ITSN2: variants seen among roughly 807,000 people sequenced by gnomAD.
ITSN2 encodes the protein intersectin-2.
Under a neutral mutation model 243.7 loss-of-function variants are expected in ITSN2, and 156 were observed. That is an observed-to-expected ratio of 0.64 (90% CI 0.56 to 0.73). The LOEUF (loss-of-function observed/expected upper bound fraction) is 0.73. Among genes scored for constraint, ITSN2 ranks in the 30% least tolerant of loss-of-function variants. The pLI is 0.00. For missense variants in ITSN2, 1,801 were observed against 1,996.1 expected (o/e 0.90, Z 1.86); for synonymous variants, 703 against 699.9 (o/e 1.00, Z -0.07).
At position 24,202,967 on chromosome 2, in the gene ITSN2, A is replaced by G. The variant is rs1183881648; in HGVS notation, c.*659T>C. On this transcript the variant is annotated 3_prime_UTR_variant, in exon 40 of 40. Transcript: ENST00000355123. ...AAATATGCAAAAACAATGAATTTAC[A>G]TAAATAATTTATACTTCAGAAAATT... 3 of 152,810 alleles carry G rather than the reference A, an allele frequency of 2.0e-5. No homozygotes were observed. Among genetic ancestry groups the G allele is most frequent in the South Asian group, 2.1e-4 (1 of 4,826 alleles). The allele number at this position is 152,810 out of a possible 1,614,324, so 9.5% of individuals were successfully genotyped here.
intron 1 of ITSN2, among the ~76,000 whole-genome samples, chr2:24,340,495 G>A (rs1686933414): frequency 6.6e-6 from 1 of 151,080 alleles, no homozygotes; most frequent in Non-Finnish European, 1.5e-5. Flanking sequence ...AAAAAAAAAA[G>A]TTGAATGTAC....
intron 23 of ITSN2, among the ~76,000 whole-genome samples, chr2:24,255,552 C>T (rs1316066327): frequency 2.0e-5 from 3 of 152,164 alleles, no homozygotes; most frequent in Non-Finnish European, 4.4e-5. Flanking sequence ...CGCTTGAACA[C>T]AGGAGGTAGA....
At chr2:24,287,915 T>C (rs1679722940) in intron 15 of ITSN2, among the ~76,000 whole-genome samples, 1 of 152,144 alleles carries the variant, frequency 6.6e-6, no homozygotes. Flanking sequence ...GAGTTATATA[T>C]ATTCCTTGTA....
intron 1 of ITSN2, among the ~76,000 whole-genome samples, chr2:24,333,184 C>G (rs923959956): frequency 3.9e-5 from 6 of 152,206 alleles, no homozygotes; most frequent in African/African-American, 1.2e-4. Context: ...TGGGCTTTAT[C>G]TGCCTCTTCC....
chr2:24,345,374 C>A (rs7582769), intron 1 of ITSN2, among the ~76,000 whole-genome samples: 2 of 152,212 alleles, frequency 1.3e-5, no homozygotes, highest in South Asian at 2.1e-4. Context: ...CTCACAGTAC[C>A]ATCTCCAAGA....
intron 1 of ITSN2, among the ~76,000 whole-genome samples, chr2:24,342,271 C>G (rs932735783): frequency 2.0e-5 from 3 of 151,868 alleles, no homozygotes; most frequent in East Asian, 1.9e-4. Flanking sequence ...AATCACGGTG[C>G]ACTGCAGCCT....
intron 30 of ITSN2, chr2:24,220,737 C>CTAAT (rs1670365239): frequency 7.3e-7 from 1 of 1,373,966 alleles, no homozygotes; most frequent in African/African-American, 1.5e-5. Context: ...GGAAAGAGCT[C>CTAAT]ATTAGAGACT....
chr2:24,298,572 A>G, intron 13 of ITSN2, 93 bp downstream of exon 13: 9 of 1,207,922 alleles, frequency 7.5e-6, no homozygotes, highest in Non-Finnish European at 1.0e-5. Context: ...CTAGGATAAC[A>G]GGTGTGAGCC....
chr2:24,334,128 A>G, intron 1 of ITSN2, among the ~76,000 whole-genome samples: 1 of 151,484 alleles, frequency 6.6e-6, no homozygotes, highest in Admixed American at 6.6e-5. Context: ...GTGCGATCTC[A>G]GCTCACTGCA....
intron 2 of ITSN2, among the ~76,000 whole-genome samples, chr2:24,319,574 C>T (rs1164385840): frequency 6.6e-6 from 1 of 152,194 alleles, no homozygotes; most frequent in Non-Finnish European, 1.5e-5. Flanking sequence ...GAATTCCACC[C>T]AGCTGGTGGC....
Position 24,304,258 on chromosome 2 carries a change from C to T in ITSN2, c.794-396G>A, listed in dbSNP as rs992675544. Among the ~76,000 whole-genome samples the T allele has an allele frequency of 6.6e-5, 10 of 152,286 alleles. No homozygotes were observed. In the East Asian group the frequency reaches 1.7e-3, roughly 26 times the overall value. ...CCGTGAGTAGCAGAAGAGTCAGGCG[C>T]TACTCTGGGTTCAGCCTGAGTCAAG... On this transcript the variant is annotated intron_variant, in intron 8 of 39. Coordinates refer to ENST00000355123, the MANE Select transcript of ITSN2 (RefSeq NM_006277.3).
At chr2:24,242,757 T>C (rs1241313705) in intron 29 of ITSN2, among the ~76,000 whole-genome samples, 1 of 152,182 alleles carries the variant, frequency 6.6e-6, no homozygotes. Context: ...TTAGAATTTA[T>C]CCTTAGAATT....
At chr2:24,232,047 C>T (rs1029288272) in intron 29 of ITSN2, among the ~76,000 whole-genome samples, 1 of 152,176 alleles carries the variant, frequency 6.6e-6, no homozygotes, top group African/African-American at 2.4e-5. Context: ...TTTTCATCCA[C>T]TTGGCAAATA....
intron 29 of ITSN2, among the ~76,000 whole-genome samples, chr2:24,242,454 C>A (rs1307507586): frequency 6.6e-6 from 1 of 151,896 alleles, no homozygotes. Flanking sequence ...ACAGGTGATT[C>A]ATCTATAAAA....
At chr2:24,210,519 A>G (rs1669353596) in intron 34 of ITSN2, among the ~76,000 whole-genome samples, 1 of 151,314 alleles carries the variant, frequency 6.6e-6, no homozygotes, top group Non-Finnish European at 1.5e-5. Flanking sequence ...GATGGAGGCC[A>G]GAGAATCGCT....
At position 24,234,278 on chromosome 2, in the gene ITSN2, G is replaced by GAA. The variant is rs56253321; in HGVS notation, c.3577+11849_3577+11850dup. 1.0e-2 allele frequency among the ~76,000 whole-genome samples: 1,447 copies of GAA among 145,352 alleles called. 7 individuals carry two copies. Among genetic ancestry groups the GAA allele is most frequent in the Non-Finnish European group, 0.014 (920 of 66,270 alleles). Reference sequence around the variant, plus strand: ...CTGGAACAACTGGCCATCCAAATGCGAAAAAAAAAAAAGAAATTGTCTTTA... The same window carrying GAA: ...CTGGAACAACTGGCCATCCAAATGCGAAAAAAAAAAAAAAGAAATTGTCTTTA... On this transcript the variant is annotated intron_variant, in intron 29 of 39. Transcript: ENST00000355123.
At position 24,273,438 on chromosome 2, in the gene ITSN2, C is replaced by A. The variant is rs911450101; in HGVS notation, c.2082-1497G>T. Among the ~76,000 whole-genome samples the A allele has an allele frequency of 6.6e-5, 10 of 152,218 alleles. 1 individual carries two copies. Among genetic ancestry groups the A allele is most frequent in the Admixed American group, 2.6e-4 (4 of 15,288 alleles). ...ACTTTTCCAAGCCTAGTAATTAATA[C>A]CCAATTAGCTTTCATTTGAATTTTT... On this transcript the variant is annotated intron_variant, in intron 18 of 39. Coordinates refer to ENST00000355123, the MANE Select transcript of ITSN2 (RefSeq NM_006277.3).
At chr2:24,309,965 G>T (rs1223615317) in intron 7 of ITSN2, among the ~76,000 whole-genome samples, 1 of 152,128 alleles carries the variant, frequency 6.6e-6, no homozygotes, top group Non-Finnish European at 1.5e-5. Flanking sequence ...AATGTACAAT[G>T]AGTATGAGAC....
At position 24,277,320 on chromosome 2, in the gene ITSN2, C is replaced by T. The variant is rs180860346; in HGVS notation, c.1945-1471G>A. ...TATCAACCTATACACAATAACACAA[C>T]TCCAAACTCCATTTCTTTTCAGAGA... On this transcript the variant is annotated intron_variant, in intron 17 of 39. Coordinates refer to ENST00000355123, the MANE Select transcript of ITSN2 (RefSeq NM_006277.3). Among the ~76,000 whole-genome samples, 6 of 152,290 alleles carry T rather than the reference C, an allele frequency of 3.9e-5. No individual in the cohort carries two copies. In the East Asian group the frequency reaches 9.6e-4, roughly 24 times the overall value.
Sources: allele counts gnomAD v4.1 joint callset (sites outside exome capture counted in the v4.1 genomes callset), GRCh38; gene constraint gnomAD v4.1.1; transcripts MANE v1.5; gene names NCBI Gene and HGNC (gene_info 2026-07-23, HGNC 2026-07-21).